The following FBXL7 variants were observed in gnomAD, a reference collection of about 807,000 sequenced individuals.
FBXL7 encodes F-box and leucine rich repeat protein 7.
A neutral mutation model predicts 38.3 loss-of-function variants in FBXL7; 12 were observed. The ratio of observed to expected loss-of-function variants is 0.31; its 90% CI spans 0.20 to 0.51. FBXL7 has a LOEUF of 0.51. Ranked by LOEUF, FBXL7 falls within the 20% of genes least tolerant of loss-of-function variation. The pLI, the probability that FBXL7 is intolerant of heterozygous loss-of-function variation, is 0.98. For missense variants in FBXL7, 567 were observed against 676.4 expected (o/e 0.84, Z 1.79); for synonymous variants, 297 against 300.9 (o/e 0.99, Z 0.13).
At chr5:15,722,855 G>C (rs1009279985) in intron 2 of FBXL7, among the ~76,000 whole-genome samples, 5 of 150,888 alleles carry the variant, frequency 3.3e-5, no homozygotes, top group Non-Finnish European at 7.4e-5. Context: ...CCCGGGAAGC[G>C]AAGGTTGCAG....
intron 2 of FBXL7, among the ~76,000 whole-genome samples, chr5:15,789,864 C>T (rs950173182): frequency 6.6e-6 from 1 of 152,168 alleles, no homozygotes; most frequent in Non-Finnish European, 1.5e-5. Context: ...TGATGACTCA[C>T]CTCTCAACGA....
rs368808788 is a variant in FBXL7 at position 15,669,317 on chromosome 5, GA to G, written c.127+53247del. ...TCGGTGAGTTTGAAGATAAGTTCAG[GA>G]ATTTTAAGCACCAAGAAAATGCGCT... On this transcript the variant is annotated intron_variant, in intron 2 of 3. Transcript: ENST00000504595. Among the ~76,000 whole-genome samples the G allele has an allele frequency of 5.1e-4, 77 of 152,276 alleles. No homozygotes were observed. In the East Asian group the frequency reaches 6.8e-3, roughly 13 times the overall value.
intron 2 of FBXL7, among the ~76,000 whole-genome samples, chr5:15,842,833 T>C (rs895017662): frequency 3.9e-5 from 6 of 152,212 alleles, no homozygotes; most frequent in Non-Finnish European, 7.3e-5. Flanking sequence ...CCCAGCTACG[T>C]GGAACTGTGA....
At chr5:15,751,344 G>A (rs1382385675) in intron 2 of FBXL7, among the ~76,000 whole-genome samples, 3 of 152,154 alleles carry the variant, frequency 2.0e-5, no homozygotes, top group Non-Finnish European at 2.9e-5. Flanking sequence ...AGGATATGAC[G>A]TGGTGGATAA....
chr5:15,733,207 C>T (rs1170655986), intron 2 of FBXL7, among the ~76,000 whole-genome samples: 2 of 152,116 alleles, frequency 1.3e-5, no homozygotes, highest in Non-Finnish European at 1.5e-5. Flanking sequence ...AATTATCTGC[C>T]TCACCCTCCC....
chr5:15,699,427 G>A lies in FBXL7; in HGVS notation c.127+83355G>A, dbSNP rs115075899. Among the ~76,000 whole-genome samples, 909 of 152,068 alleles carry A rather than the reference G, an allele frequency of 6.0e-3. 5 individuals carry two copies. The highest frequency in any genetic ancestry group is 0.021 in the African/African-American group (864 of 41,470). On this transcript the variant is annotated intron_variant, in intron 2 of 3. Transcript: ENST00000504595. ...CTGCATTGCTCCAGCCTCTTCCTTCGCCATCCCGTTGTGCTCCTTCTGTGT... is the reference window on the plus strand; with the variant it reads ...CTGCATTGCTCCAGCCTCTTCCTTCACCATCCCGTTGTGCTCCTTCTGTGT...
Position 15,937,477 on chromosome 5 carries a change from A to C in FBXL7, c.*291A>C. 3 of 323,886 alleles carry C rather than the reference A, an allele frequency of 9.3e-6. No individual in the cohort carries two copies. Among genetic ancestry groups the C allele is most frequent in the South Asian group, 4.4e-5 (1 of 22,680 alleles). The allele number at this position is 323,886 out of a possible 1,614,324, so 20.1% of individuals were successfully genotyped here. On this transcript the variant is annotated 3_prime_UTR_variant, in exon 4 of 4. Transcript: ENST00000504595. The stretch of plus-strand genomic sequence containing the variant: ...TCGCTGTTCCTTGAGCAAGGCGCTT[A>C]CTCTCCTCCGCTCAGGCCCCCAAGG...
At chr5:15,658,903 T>C (rs973644740) in intron 2 of FBXL7, among the ~76,000 whole-genome samples, 2 of 152,176 alleles carry the variant, frequency 1.3e-5, no homozygotes, top group African/African-American at 4.8e-5. Context: ...TGGTCTTTAC[T>C]TCTTTTTTTG....
At chr5:15,879,976 T>C (rs1740374284) in intron 2 of FBXL7, among the ~76,000 whole-genome samples, 1 of 151,920 alleles carries the variant, frequency 6.6e-6, no homozygotes, top group Non-Finnish European at 1.5e-5. Context: ...AAAAAAAAAC[T>C]TGTTAAAAGA....
chr5:15,897,856 A>G (rs1741141479), intron 2 of FBXL7, among the ~76,000 whole-genome samples: 1 of 152,226 alleles, frequency 6.6e-6, no homozygotes, highest in Non-Finnish European at 1.5e-5. Flanking sequence ...GTTTTTAAAA[A>G]ATTAATCCAA....
intron 2 of FBXL7, among the ~76,000 whole-genome samples, chr5:15,870,894 T>G (rs1739927718): frequency 6.6e-6 from 1 of 152,170 alleles, no homozygotes; most frequent in East Asian, 1.9e-4. Context: ...TTCAGCAGAC[T>G]TACACGTTCC....
At chr5:15,905,573 G>A (rs1741336507) in intron 2 of FBXL7, among the ~76,000 whole-genome samples, 2 of 151,546 alleles carry the variant, frequency 1.3e-5, no homozygotes, top group Non-Finnish European at 1.5e-5. Flanking sequence ...TAATTTAACA[G>A]AGAGATATTT....
rs532570180 is a variant in FBXL7, at chr5:15,694,426, C to T, written c.127+78354C>T. ...TGGGCTTCCTTTGTCCCTAGCCTGACACAGGGTTGAAGGTAATGACAATGC... is the reference window on the plus strand; with the variant it reads ...TGGGCTTCCTTTGTCCCTAGCCTGATACAGGGTTGAAGGTAATGACAATGC... On this transcript the variant is annotated intron_variant, in intron 2 of 3. Coordinates refer to ENST00000504595, the MANE Select transcript of FBXL7 (RefSeq NM_012304.5). Among the ~76,000 whole-genome samples, 4 of 152,296 alleles carry T rather than the reference C, an allele frequency of 2.6e-5. No individual in the cohort carries two copies. In the South Asian group the frequency reaches 8.3e-4, roughly 32 times the overall value.
intron 2 of FBXL7, among the ~76,000 whole-genome samples, chr5:15,747,676 G>T (rs562844949): frequency 6.6e-6 from 1 of 152,342 alleles, no homozygotes; most frequent in Admixed American, 6.5e-5. Context: ...ACAATGGTTA[G>T]TTGGTTCAAA....
At chr5:15,538,843 T>G (rs941492680) in intron 1 of FBXL7, among the ~76,000 whole-genome samples, 2 of 152,200 alleles carry the variant, frequency 1.3e-5, no homozygotes, top group African/African-American at 2.4e-5. Context: ...TTTGCTTATT[T>G]TGAGATTTAT....
intron 1 of FBXL7, 138 bp from the exon 2 acceptor site, chr5:15,615,845 A>C (rs1740429940): frequency 7.6e-6 from 4 of 528,066 alleles, no homozygotes; most frequent in Non-Finnish European, 1.0e-5. Flanking sequence ...GCAAAAAAAA[A>C]CTTAATAAAC....
intron 2 of FBXL7, among the ~76,000 whole-genome samples, chr5:15,917,639 AGGGAG>A (rs879887095): frequency 0.36 from 49,096 of 135,180 alleles, 8,923 homozygotes; most frequent in Admixed American, 0.54. Context: ...AAGTAAAGGA[AGGGAG>A]GGAAGGAAGG....
At chr5:15,794,463 C>T (rs529866363) in intron 2 of FBXL7, among the ~76,000 whole-genome samples, 1 of 105,554 alleles carries the variant, frequency 9.5e-6, no homozygotes, top group Non-Finnish European at 2.4e-5. Flanking sequence ...ATTCTAAGTA[C>T]CCCTAAGTTC....
At chr5:15,895,639 T>G (rs1741076476) in intron 2 of FBXL7, among the ~76,000 whole-genome samples, 1 of 134,390 alleles carries the variant, frequency 7.4e-6, no homozygotes, top group South Asian at 2.6e-4. Context: ...CATACTTTTT[T>G]TTTTTTTTTT....
Sources: gnomAD v4.1 joint callset for allele counts (sites outside exome capture counted in the v4.1 genomes callset) on GRCh38, gnomAD v4.1.1 for gene constraint, MANE v1.5 for transcripts, NCBI Gene and HGNC (gene_info 2026-07-23, HGNC 2026-07-21) for gene names.